Variants in STARD13 observed in about 807,000 individuals in gnomAD.
The protein encoded by STARD13 is stAR-related lipid transfer protein 13.
In STARD13, 62 loss-of-function variants were observed where a neutral mutation model predicts 106.4. That is an observed-to-expected ratio of 0.58 (90% CI 0.48 to 0.72). The LOEUF (loss-of-function observed/expected upper bound fraction) is 0.72. Ranked by LOEUF, STARD13 falls within the 30% of genes least tolerant of loss-of-function variation. The probability of loss-of-function intolerance (pLI) is 0.00; values close to 1 mark genes in which losing one functional copy is unlikely to be tolerated. For synonymous variants in STARD13, 565 were observed against 553.0 expected (o/e 1.02, Z -0.31); for missense variants, 1,387 against 1,424.0 (o/e 0.97, Z 0.42).
At chr13:33,262,662 A>ACACACACAACAC (rs5802678) in intron 1 of STARD13, among the ~76,000 whole-genome samples, 2 of 114,984 alleles carry the variant, frequency 1.7e-5, no homozygotes, top group South Asian at 3.2e-4. Flanking sequence ...ACACACACAC[A>ACACACACAACAC]ACACACACAC....
At chr13:33,590,435 A>T in the STARD13 span, among the ~76,000 whole-genome samples, 1 of 151,984 alleles carries the variant, frequency 6.6e-6, no homozygotes. Context: ...AATAGCAAAG[A>T]CTTGGAACCA....
At chr13:33,577,017 G>A in the STARD13 span, among the ~76,000 whole-genome samples, 1 of 152,046 alleles carries the variant, frequency 6.6e-6, no homozygotes, top group Non-Finnish European at 1.5e-5. Flanking sequence ...ACAAGACCTA[G>A]CATTTATTTA....
the STARD13 span, among the ~76,000 whole-genome samples, chr13:33,499,410 G>T: frequency 6.6e-6 from 1 of 152,290 alleles, no homozygotes; most frequent in Non-Finnish European, 1.5e-5. Flanking sequence ...TCTGGTGAAA[G>T]TTCTCCTTGG....
the STARD13 span, among the ~76,000 whole-genome samples, chr13:33,519,238 T>TTCTTTCTC: frequency 1.3e-5 from 2 of 150,780 alleles, no homozygotes; most frequent in South Asian, 4.2e-4. Context: ...CTTTCTTTCT[T>TTCTTTCTC]TCTTTCTTTC....
chr13:33,492,032 G>A, the STARD13 span, among the ~76,000 whole-genome samples: 1 of 152,080 alleles, frequency 6.6e-6, no homozygotes, highest in Non-Finnish European at 1.5e-5. Flanking sequence ...GTCAAAGGGG[G>A]TTGTTCTTTG....
At chr13:33,407,816 G>A in the STARD13 span, among the ~76,000 whole-genome samples, 3 of 152,204 alleles carry the variant, frequency 2.0e-5, no homozygotes, top group African/African-American at 7.2e-5. Flanking sequence ...AGGGATATTG[G>A]TGGTAGCGAG....
chr13:33,383,754 C>CAAAAAAAA, the STARD13 span: 6 of 27,776 alleles, frequency 2.2e-4, no homozygotes, highest in Non-Finnish European at 3.4e-4. Context: ...GAGACTGTCT[C>CAAAAAAAA]AAAAAAAAAA....
At position 33,285,565 on chromosome 13, in the gene STARD13, T is replaced by A. The variant is rs1317250594; in HGVS notation, c.74A>T (p.Glu25Val). ...AGTCTGATCAAATCGCAAGTACATC[T>A]CCTGGCCCTCAGGTGTCATGGAATT... is the stretch of plus-strand genomic sequence containing the variant. The part of the protein sequence containing the change: ...YLNSMTPEGQ[E>V]MYLRFDQTTR... The change falls in exon 1 of 14, where the codon GAG becomes GTG. Residue 25 changes from glutamate to valine, a missense_variant. Glu to Val is a moderately radical substitution (Grantham distance 121). Coordinates refer to ENST00000336934, the MANE Select transcript of STARD13 (RefSeq NM_178006.4). 6.2e-7 allele frequency: 1 copy of A among 1,613,828 alleles called. No homozygotes were observed. Among genetic ancestry groups the A allele is most frequent in the Non-Finnish European group, 8.5e-7 (1 of 1,179,914 alleles).
At chr13:33,427,474 A>C in the STARD13 span, among the ~76,000 whole-genome samples, 1 of 152,260 alleles carries the variant, frequency 6.6e-6, no homozygotes, top group East Asian at 1.9e-4. Flanking sequence ...TATAACCCAC[A>C]CTGGTGGCAC....
At chr13:33,528,251 TATATAC>T in the STARD13 span, among the ~76,000 whole-genome samples, 4 of 130,566 alleles carry the variant, frequency 3.1e-5, no homozygotes, top group African/African-American at 1.4e-4. Context: ...TACATATATA[TATATAC>T]ATATATATAT....
Position 33,110,005 on chromosome 13 carries a change from C to G in STARD13, c.2915G>C (p.Arg972Thr), listed in dbSNP as rs766871408. ...GTCCTCGTCCCACAGGTGGCGCTCT[C>G]TCAGCACGCGGTTCAGGACCACTGA... The part of the protein sequence containing the change: ...PPSVVLNRVL[R>T]ERHLWDEDFV... The change falls in exon 12 of 14, where the codon AGA (arginine) becomes ACA (threonine). Residue 972 changes from arginine (R) to threonine (T), a missense_variant. Arg to Thr is a moderately conservative substitution (Grantham distance 71, BLOSUM62 -1). Coordinates refer to ENST00000336934, the MANE Select transcript of STARD13 (RefSeq NM_178006.4). 3.2e-5 allele frequency: 52 copies of G among 1,614,140 alleles called. No individual in the cohort carries two copies. The highest frequency in any genetic ancestry group is 4.1e-5 in the Non-Finnish European group (48 of 1,180,066).
At chr13:33,363,724 T>G in the STARD13 span, among the ~76,000 whole-genome samples, 1 of 152,198 alleles carries the variant, frequency 6.6e-6, no homozygotes, top group African/African-American at 2.4e-5. Context: ...AAGTAACAGT[T>G]TTATTCCTAC....
chr13:33,629,827 G>A, the STARD13 span, among the ~76,000 whole-genome samples: 4 of 152,034 alleles, frequency 2.6e-5, no homozygotes, highest in Non-Finnish European at 5.9e-5. Context: ...CTCTTTCCCT[G>A]ACCCCTTTCT....
At chr13:33,180,576 G>C (rs1389350543) in intron 1 of STARD13, 4 of 152,172 alleles carry the variant, frequency 2.6e-5, no homozygotes, top group Non-Finnish European at 4.4e-5. Context: ...CTAATGACTG[G>C]GAGAAGTTGT....
chr13:33,136,326 A>AGTTTTT (rs1304342744), intron 4 of STARD13, among the ~76,000 whole-genome samples: 1 of 152,200 alleles, frequency 6.6e-6, no homozygotes, highest in Non-Finnish European at 1.5e-5. Flanking sequence ...AAATCTGAAC[A>AGTTTTT]GTTTTTGTAA....
chr13:33,614,222 G>A, the STARD13 span, among the ~76,000 whole-genome samples: 88 of 151,336 alleles, frequency 5.8e-4, no homozygotes, highest in African/African-American at 2.0e-3. Context: ...TGCTCCAGCA[G>A]GACCCGAAGG....
At chr13:33,434,370 A>AAG in the STARD13 span, among the ~76,000 whole-genome samples, 1 of 151,062 alleles carries the variant, frequency 6.6e-6, no homozygotes, top group African/African-American at 2.4e-5. Flanking sequence ...AAAAAAAAAA[A>AAG]AAAGAAAGAA....
chr13:33,566,928 C>G, the STARD13 span, among the ~76,000 whole-genome samples: 4 of 148,274 alleles, frequency 2.7e-5, 1 homozygote, highest in South Asian at 4.3e-4. Flanking sequence ...ATTTTGGCTT[C>G]AGTTTTCACT....
At chr13:33,351,547 G>A (rs972657509), upstream of STARD13, among the ~76,000 whole-genome samples, 5 of 152,162 alleles carry the variant, frequency 3.3e-5, no homozygotes, top group Non-Finnish European at 7.4e-5. Flanking sequence ...ACAAAGTTTT[G>A]TTTCTGAAGT....
Sources: gnomAD v4.1 joint callset for allele counts (sites outside exome capture counted in the v4.1 genomes callset) on GRCh38, gnomAD v4.1.1 for gene constraint, MANE v1.5 for transcripts, NCBI Gene and HGNC (gene_info 2026-07-23, HGNC 2026-07-21) for gene names.